The following ERP44 variants were observed in gnomAD, a reference collection of about 807,000 sequenced individuals.
ERP44 encodes the protein endoplasmic reticulum protein 44.
Under a neutral mutation model 53.4 loss-of-function variants are expected in ERP44, and 25 were observed. That is an observed-to-expected ratio of 0.47 (90% CI 0.34 to 0.65). ERP44 has a LOEUF of 0.65. ERP44 is among the 30% of genes least tolerant of loss of function. ERP44 has a pLI of 0.01. For missense variants in ERP44, 338 were observed against 493.2 expected, an observed-to-expected ratio of 0.69 and a Z score of 2.98; for synonymous variants, 145 against 161.2, an observed-to-expected ratio of 0.90 and a Z score of 0.76.
intron 1 of ERP44, among the ~76,000 whole-genome samples, chr9:100,087,197 T>G (rs1317096011): frequency 6.6e-6 from 1 of 151,984 alleles, no homozygotes; most frequent in African/African-American, 2.4e-5. Context: ...ATAAGCTTTT[T>G]TCAAAATAAT....
intron 1 of ERP44, among the ~76,000 whole-genome samples, chr9:100,087,857 C>T (rs1173379223): frequency 6.6e-6 from 1 of 151,960 alleles, no homozygotes; most frequent in Non-Finnish European, 1.5e-5. Flanking sequence ...AGAATAAAAC[C>T]GAAAGGAAAT....
chr9:100,060,056 T>C (rs1482661535), intron 2 of ERP44, 44 bp downstream of exon 2: 3 of 1,354,462 alleles, frequency 2.2e-6, no homozygotes, highest in South Asian at 1.8e-5. Flanking sequence ...ACTAACTCTC[T>C]ATAGAGAAGA....
chr9:100,057,965 A>G (rs1286388632), intron 2 of ERP44, 106 bp from the exon 3 acceptor site: 1 of 819,382 alleles, frequency 1.2e-6, no homozygotes, highest in Non-Finnish European at 2.0e-6. Flanking sequence ...CCACTTAAAA[A>G]AACACAGTAA....
intron 1 of ERP44, among the ~76,000 whole-genome samples, chr9:100,070,731 T>C (rs1826292304): frequency 1.3e-5 from 2 of 152,222 alleles, no homozygotes; most frequent in African/African-American, 4.8e-5. Context: ...GAAACTAGTG[T>C]ATAAGAAACA....
rs1379339755 is a variant in ERP44, at chr9:99,998,802, G to T, written c.1016+7704C>A. ...CTCCGTTCTTCTCGCTTCTCTTCTC[G>T]AATTCTCTGCTTTTCTAATTTTCTA... is the stretch of plus-strand genomic sequence containing the variant. On this transcript the variant is annotated intron_variant, in intron 10 of 11. Coordinates refer to ENST00000262455, the MANE Select transcript of ERP44 (RefSeq NM_015051.3). The T allele has an allele frequency of 1.3e-4, 134 of 996,616 alleles. No individual in the cohort carries two copies. The South Asian group carries it at 1.7e-3, about 13-fold the overall frequency. The allele number at this position is 996,616 out of a possible 1,614,324, so 61.7% of individuals were successfully genotyped here.
chr9:99,983,551 CAAA>C (rs59132233), intron 11 of ERP44, among the ~76,000 whole-genome samples: 5 of 66,972 alleles, frequency 7.5e-5, no homozygotes, highest in Admixed American at 1.7e-4. Flanking sequence ...GACTCCGTCT[CAAA>C]AAAAAAAAAA....
chr9:100,092,287 C>T (rs1826567707), intron 1 of ERP44, among the ~76,000 whole-genome samples: 1 of 152,116 alleles, frequency 6.6e-6, no homozygotes, highest in Admixed American at 6.5e-5. Context: ...CTAAGCATGC[C>T]CCATACACAT....
chr9:100,048,177 G>A (rs973587472), intron 4 of ERP44, among the ~76,000 whole-genome samples: 5 of 152,100 alleles, frequency 3.3e-5, no homozygotes, highest in African/African-American at 7.2e-5. Flanking sequence ...GGAGTTGGGT[G>A]GGTGGAGGGG....
At chr9:100,048,757 G>A (rs541941137) in intron 4 of ERP44, among the ~76,000 whole-genome samples, 8 of 152,324 alleles carry the variant, frequency 5.3e-5, no homozygotes, top group African/African-American at 1.9e-4. Context: ...AGTGAAATAT[G>A]CCAGTCACAA....
At position 100,008,997 on chromosome 9, in the gene ERP44, C is replaced by T. The variant is rs1427533940; in HGVS notation, c.763-1308G>A. Among the ~76,000 whole-genome samples the T allele has an allele frequency of 2.6e-5, 4 of 152,176 alleles. No homozygotes were observed. The South Asian group carries it at 8.3e-4, about 31-fold the overall frequency. On this transcript the variant is annotated intron_variant, in intron 8 of 11. Transcript: ENST00000262455. ...GGCTCAAGCAATCTGCCTGCCTCAG[C>T]CTCCCAAAGTGCTGGAATTACAGGT...
chr9:100,085,660 G>A (rs1255431774), intron 1 of ERP44, among the ~76,000 whole-genome samples: 2 of 152,314 alleles, frequency 1.3e-5, no homozygotes, highest in South Asian at 2.1e-4. Context: ...AGCACTTTGG[G>A]AGGCCGAGGC....
At chr9:99,995,248 T>C (rs1830299075) in intron 10 of ERP44, among the ~76,000 whole-genome samples, 1 of 152,320 alleles carries the variant, frequency 6.6e-6, no homozygotes. Flanking sequence ...TTTTAATAAT[T>C]TGTTGGTAAT....
At chr9:100,066,340 T>A (rs139088010) in intron 1 of ERP44, among the ~76,000 whole-genome samples, 71 of 152,326 alleles carry the variant, frequency 4.7e-4, no homozygotes, top group African/African-American at 1.6e-3. Context: ...TTTTAAAGTA[T>A]ACTGTCTTCT....
At chr9:100,065,636 AT>A (rs1826203060) in intron 1 of ERP44, among the ~76,000 whole-genome samples, 1 of 152,218 alleles carries the variant, frequency 6.6e-6, no homozygotes. Context: ...GCATGGTGGA[AT>A]AAAGCAAATC....
intron 1 of ERP44, among the ~76,000 whole-genome samples, chr9:100,085,291 T>G (rs1425197987): frequency 2.0e-5 from 3 of 152,194 alleles, no homozygotes; most frequent in Admixed American, 6.5e-5. Flanking sequence ...CAAGACCATA[T>G]AATGAACTTT....
At chr9:99,998,985 G>A (rs1830345763) in intron 10 of ERP44, 3 of 1,346,230 alleles carry the variant, frequency 2.2e-6, no homozygotes, top group East Asian at 2.3e-5. Flanking sequence ...TCAGGTCGGC[G>A]GCAAAGAACT....
In ERP44 at chr9:100,005,001, G is replaced by C. The variant is rs543584191; in HGVS notation, c.1016+1505C>G. ...AAACAATCTGATTATGTCATTCCCT[G>C]ATTAAAACCTTTCATTGGCTCTTCA... On this transcript the variant is annotated intron_variant, in intron 10 of 11. Transcript: ENST00000262455. Among the ~76,000 whole-genome samples the C allele has an allele frequency of 6.6e-5, 10 of 152,276 alleles. No individual in the cohort carries two copies. The South Asian group carries it at 2.1e-3, about 32-fold the overall frequency.
intron 2 of ERP44, 124 bp from the exon 3 acceptor site, chr9:100,057,983 C>T: frequency 1.4e-6 from 1 of 704,344 alleles, no homozygotes; most frequent in East Asian, 2.8e-5. Flanking sequence ...TAACTATTAT[C>T]TCTCACTCAG....
intron 6 of ERP44, among the ~76,000 whole-genome samples, chr9:100,019,888 A>C (rs1830567541): frequency 6.6e-6 from 1 of 152,228 alleles, no homozygotes. Context: ...ATGGAGGTGA[A>C]AGTTAGCTTC....
Sources: gnomAD v4.1 joint callset for allele counts (sites outside exome capture counted in the v4.1 genomes callset) on GRCh38, gnomAD v4.1.1 for gene constraint, MANE v1.5 for transcripts, NCBI Gene and HGNC (gene_info 2026-07-23, HGNC 2026-07-21) for gene names.